Variants in SLC16A10 observed in about 807,000 individuals in gnomAD.
SLC16A10 encodes solute carrier family 16 member 10, also known as monocarboxylate transporter 10.
Under a neutral mutation model 40.0 loss-of-function variants are expected in SLC16A10, and 27 were observed. That is an observed-to-expected ratio of 0.67 (90% CI 0.50 to 0.93). The LOEUF (loss-of-function observed/expected upper bound fraction) is 0.93, where lower values mean the gene tolerates loss of function less well. Among genes scored for constraint, SLC16A10 ranks in the 40% least tolerant of loss-of-function variants. The pLI, the probability that SLC16A10 is intolerant of heterozygous loss-of-function variation, is 0.00. For missense variants in SLC16A10, 529 were observed against 658.2 expected (o/e 0.80, Z 2.15); for synonymous variants, 213 against 249.8 (o/e 0.85, Z 1.39).
intron 1 of SLC16A10, among the ~76,000 whole-genome samples, chr6:111,116,481 G>A (rs896350167): frequency 2.0e-5 from 3 of 152,076 alleles, no homozygotes; most frequent in African/African-American, 7.2e-5. Flanking sequence ...GCCTCCCAAA[G>A]TGCTGGGATT....
In SLC16A10 at chr6:111,213,352, A is replaced by G. The variant is rs113027029; in HGVS notation, c.1087-5462A>G. 2.5e-3 allele frequency among the ~76,000 whole-genome samples: 379 copies of G among 152,306 alleles called. 2 individuals carry two copies. The highest frequency in any genetic ancestry group is 8.6e-3 in the African/African-American group (358 of 41,570). ...AAGACTTTCATATATTACTGTGTAC[A>G]TTTCTCTAAGGTTTGAATTTTAAAA... On this transcript the variant is annotated intron_variant, in intron 4 of 5. Transcript: ENST00000368851.
chr6:111,108,330 T>C (rs1263172301), intron 1 of SLC16A10, among the ~76,000 whole-genome samples: 1 of 152,170 alleles, frequency 6.6e-6, no homozygotes, highest in South Asian at 2.1e-4. Flanking sequence ...TATCTTACAG[T>C]CTTGATTTGG....
chr6:111,107,374 G>T (rs2114451463), intron 1 of SLC16A10, among the ~76,000 whole-genome samples: 1 of 152,242 alleles, frequency 6.6e-6, no homozygotes, highest in South Asian at 2.1e-4. Flanking sequence ...TCAAATTTAT[G>T]GTGGTGCTTG....
At chr6:111,202,542 C>G (rs1052152488) in intron 3 of SLC16A10, among the ~76,000 whole-genome samples, 25 of 151,812 alleles carry the variant, frequency 1.6e-4, no homozygotes, top group Non-Finnish European at 2.8e-4. Context: ...TTTTTTTAAT[C>G]CCCTGGAAGT....
intron 4 of SLC16A10, among the ~76,000 whole-genome samples, chr6:111,213,259 C>A (rs1007660588): frequency 6.6e-6 from 1 of 152,100 alleles, no homozygotes; most frequent in African/African-American, 2.4e-5. Flanking sequence ...GGATGCAAAC[C>A]GAACTGTTAA....
Position 111,107,165 on chromosome 6 carries a change from C to T in SLC16A10, c.343+19070C>T, listed in dbSNP as rs537456226. ...TGGAAAAGTTCATGGAAAAAATGTACACTATGAAAAAAAACTGTGCATGGA... is the reference window on the plus strand; with the variant it reads ...TGGAAAAGTTCATGGAAAAAATGTATACTATGAAAAAAAACTGTGCATGGA... On this transcript the variant is annotated intron_variant, in intron 1 of 5. Transcript: ENST00000368851. Among the ~76,000 whole-genome samples the T allele has an allele frequency of 1.2e-3, 188 of 152,072 alleles. 2 individuals carry two copies. Among genetic ancestry groups the T allele is most frequent in the Non-Finnish European group, 2.1e-3 (146 of 67,972 alleles).
chr6:111,177,346 C>A lies in SLC16A10; in HGVS notation c.623C>A (p.Ala208Asp). ...GGACTGGTGAATGGCATTGTCACTG[C>A]TGGCAGCAGTGTCTTCACAATCCTG... ...RLGLVNGIVTAGSSVFTILLP... is the reference protein window; with the variant it reads ...RLGLVNGIVTDGSSVFTILLP... Residue 208 changes from alanine to aspartate, a missense_variant, in exon 3 of 6, where the codon GCT becomes GAT. Coordinates refer to ENST00000368851, the MANE Select transcript of SLC16A10 (RefSeq NM_018593.5). The A allele has an allele frequency of 6.2e-7, 1 of 1,613,822 alleles. No homozygotes were observed. Among genetic ancestry groups the A allele is most frequent in the Non-Finnish European group, 8.5e-7 (1 of 1,179,878 alleles).
At chr6:111,191,353 C>G (rs1772988172) in intron 3 of SLC16A10, among the ~76,000 whole-genome samples, 1 of 152,162 alleles carries the variant, frequency 6.6e-6, no homozygotes, top group Non-Finnish European at 1.5e-5. Flanking sequence ...ATGAACTCAT[C>G]CTTTTTTATG....
rs762400362 is a variant in SLC16A10, at chr6:111,222,182, C to T, written c.1495C>T (p.Leu499=). 3.7e-6 allele frequency: 6 copies of T among 1,606,966 alleles called. No individual in the cohort carries two copies. The African/African-American group carries it at 5.4e-5, about 14-fold the overall frequency. Residue 499 remains leucine (L), a synonymous_variant, in exon 6 of 6, where the codon CTG becomes TTG. Transcript: ENST00000368851. ...MEKMLENQNS[L]LSSSSGMFKK... ...GAAAATGTTGGAAAACCAGAACTCT[C>T]TGCTGTCAAGTTCATCTGGAATGTT... is the stretch of plus-strand genomic sequence containing the variant.
intron 1 of SLC16A10, among the ~76,000 whole-genome samples, chr6:111,092,857 T>G (rs1297394215): frequency 6.6e-6 from 1 of 151,170 alleles, no homozygotes; most frequent in African/African-American, 2.4e-5. Flanking sequence ...CTGGCCAAGA[T>G]GGTGAAACCC....
rs548609643 is a variant in SLC16A10 at position 111,222,267 on chromosome 6, C to T, written c.*32C>T. The T allele has an allele frequency of 1.9e-6, 3 of 1,547,706 alleles. No individual in the cohort carries two copies. The highest frequency in any genetic ancestry group is 2.4e-5 in the Admixed American group (1 of 41,750). Reference sequence around the variant, plus strand: ...ACATACCTCCACCAGACTGGACTTGCTTTTTGAATTTTAAGCAAGTTTCCT... The same window carrying T: ...ACATACCTCCACCAGACTGGACTTGTTTTTTGAATTTTAAGCAAGTTTCCT... On this transcript the variant is annotated 3_prime_UTR_variant, in exon 6 of 6. Coordinates refer to ENST00000368851, the MANE Select transcript of SLC16A10 (RefSeq NM_018593.5).
At position 111,223,712 on chromosome 6, in the gene SLC16A10, C is replaced by T. The variant is rs1056873313; in HGVS notation, c.*1477C>T. 2 of 152,202 alleles carry T rather than the reference C, an allele frequency of 1.3e-5. No homozygotes were observed. Among genetic ancestry groups the T allele is most frequent in the African/African-American group, 4.8e-5 (2 of 41,436 alleles). 9.4% of individuals were successfully genotyped at this position (152,202 alleles called of 1,614,324 possible). A position where few individuals can be genotyped will look rare whatever the true frequency, so the allele number is the denominator to read the frequency against. ...TAAGCTTTTAGAAAATGATTTCATT[C>T]AGTCATGTCCAGTTATATAAAACGT... is the stretch of plus-strand genomic sequence containing the variant. On this transcript the variant is annotated 3_prime_UTR_variant, in exon 6 of 6. Transcript: ENST00000368851.
intron 1 of SLC16A10, among the ~76,000 whole-genome samples, chr6:111,105,071 G>A (rs1452388780): frequency 1.3e-5 from 2 of 152,022 alleles, no homozygotes; most frequent in African/African-American, 2.4e-5. Context: ...AATTTGACAT[G>A]ACTGCTAAAG....
At chr6:111,155,382 T>A (rs895575167) in intron 1 of SLC16A10, among the ~76,000 whole-genome samples, 1 of 151,684 alleles carries the variant, frequency 6.6e-6, no homozygotes, top group East Asian at 1.9e-4. Context: ...TTTTTTTCTG[T>A]AGAGACAGGG....
intron 4 of SLC16A10, among the ~76,000 whole-genome samples, chr6:111,215,780 A>C (rs1773412088): frequency 6.6e-6 from 1 of 152,186 alleles, no homozygotes; most frequent in South Asian, 2.1e-4. Flanking sequence ...CAAAGCAAGT[A>C]GTTTGTTTGA....
intron 3 of SLC16A10, among the ~76,000 whole-genome samples, chr6:111,187,496 G>C (rs2114560634): frequency 6.6e-6 from 1 of 152,254 alleles, no homozygotes. Flanking sequence ...TACAAAAAAA[G>C]AAAGGTAAAG....
intron 4 of SLC16A10, among the ~76,000 whole-genome samples, chr6:111,210,685 G>T (rs73765936): frequency 6.6e-6 from 1 of 152,270 alleles, no homozygotes; most frequent in African/African-American, 2.4e-5. Flanking sequence ...TGGAAAGTTA[G>T]AGTGGGTCAG....
At chr6:111,214,790 A>C (rs1221832349) in intron 4 of SLC16A10, among the ~76,000 whole-genome samples, 1 of 152,194 alleles carries the variant, frequency 6.6e-6, no homozygotes, top group Non-Finnish European at 1.5e-5. Flanking sequence ...TTGAATGGAG[A>C]AAAGGACAAC....
At chr6:111,102,750 C>T (rs1269364522) in intron 1 of SLC16A10, among the ~76,000 whole-genome samples, 3 of 152,124 alleles carry the variant, frequency 2.0e-5, no homozygotes, top group Non-Finnish European at 4.4e-5. Context: ...GGTGACATCT[C>T]ATCCTTCAGA....
Sources: gnomAD v4.1 joint callset for allele counts (sites outside exome capture counted in the v4.1 genomes callset) on GRCh38, gnomAD v4.1.1 for gene constraint, MANE v1.5 for transcripts, NCBI Gene and HGNC (gene_info 2026-07-23, HGNC 2026-07-21) for gene names.